The following ZFAT variants were observed in gnomAD, a reference collection of about 807,000 sequenced individuals.
ZFAT encodes the protein zinc finger protein ZFAT.
ZFAT carries 64 observed loss-of-function variants against 117.7 expected under a neutral mutation model. The ratio of observed to expected loss-of-function variants is 0.54; its 90% CI spans 0.44 to 0.67. The LOEUF (loss-of-function observed/expected upper bound fraction) is 0.67. Among genes scored for constraint, ZFAT ranks in the 30% least tolerant of loss-of-function variants. The probability of loss-of-function intolerance (pLI) is 0.00; values close to 1 mark genes in which losing one functional copy is unlikely to be tolerated. For synonymous variants in ZFAT, 679 were observed against 615.0 expected (o/e 1.10, Z -1.54); for missense variants, 1,433 against 1,584.5 (o/e 0.90, Z 1.62).
At chr8:134,556,481 C>T (rs1419347337) in intron 11 of ZFAT, among the ~76,000 whole-genome samples, 1 of 151,720 alleles carries the variant, frequency 6.6e-6, no homozygotes, top group Non-Finnish European at 1.5e-5. Flanking sequence ...CTCAACAAAC[C>T]CCAAGTAAGG....
At chr8:134,811,505 T>C in the ZFAT span, among the ~76,000 whole-genome samples, 1 of 152,146 alleles carries the variant, frequency 6.6e-6, no homozygotes, top group Non-Finnish European at 1.5e-5. Flanking sequence ...AGTACTTCCA[T>C]AGTGACAGAA....
At chr8:134,731,288 A>G in the ZFAT span, among the ~76,000 whole-genome samples, 1 of 152,404 alleles carries the variant, frequency 6.6e-6, no homozygotes, top group South Asian at 2.1e-4. Context: ...AAACACATAT[A>G]TGAGAACTTC....
At chr8:134,673,869 T>C (rs1182580780) in intron 1 of ZFAT, among the ~76,000 whole-genome samples, 1 of 152,264 alleles carries the variant, frequency 6.6e-6, no homozygotes, top group Admixed American at 6.5e-5. Flanking sequence ...TCCCAGCACT[T>C]TGAGAGGCCG....
At chr8:134,526,635 T>C (rs922193321) in intron 12 of ZFAT, among the ~76,000 whole-genome samples, 2 of 152,236 alleles carry the variant, frequency 1.3e-5, no homozygotes, top group Admixed American at 1.3e-4. Flanking sequence ...TTAAAATATC[T>C]CTGCTCCTTT....
At chr8:134,737,798 A>G in the ZFAT span, among the ~76,000 whole-genome samples, 580 of 152,256 alleles carry the variant, frequency 3.8e-3, 5 homozygotes, top group African/African-American at 0.013. Flanking sequence ...TACATCTACA[A>G]CCAGAACCTC....
intron 15 of ZFAT, among the ~76,000 whole-genome samples, chr8:134,483,171 A>G (rs1458076240): frequency 6.6e-6 from 1 of 152,186 alleles, no homozygotes; most frequent in Non-Finnish European, 1.5e-5. Flanking sequence ...CACGGCACCC[A>G]ATATCCACCC....
intron 2 of ZFAT, among the ~76,000 whole-genome samples, chr8:134,652,243 G>T (rs191735704): frequency 6.6e-6 from 1 of 152,320 alleles, no homozygotes; most frequent in East Asian, 1.9e-4. Flanking sequence ...CTCCAGCCTG[G>T]GCAAATGAGC....
intron 1 of ZFAT, among the ~76,000 whole-genome samples, chr8:134,667,641 A>G (rs28804680): frequency 0.35 from 52,339 of 150,938 alleles, 9,423 homozygotes; most frequent in South Asian, 0.43. Context: ...GCTCCAAGAT[A>G]GCTGAATAGG....
chr8:134,603,465 C>T (rs368038491), intron 5 of ZFAT, among the ~76,000 whole-genome samples: 1 of 151,218 alleles, frequency 6.6e-6, no homozygotes, highest in East Asian at 2.0e-4. Context: ...TGGATGCAAC[C>T]ATCTTTTCAA....
intron 9 of ZFAT, 113 bp downstream of exon 9, chr8:134,588,133 G>A: frequency 7.8e-7 from 1 of 1,279,414 alleles, no homozygotes; most frequent in Non-Finnish European, 1.1e-6. Flanking sequence ...GTGTGCTAAG[G>A]AAATTCTAAC....
intron 10 of ZFAT, among the ~76,000 whole-genome samples, chr8:134,575,547 T>C (rs1281438646): frequency 2.0e-5 from 3 of 152,216 alleles, no homozygotes; most frequent in African/African-American, 7.2e-5. Context: ...AGCTGCAACA[T>C]AATACATCTG....
chr8:134,610,051 A>G (rs1828205033), intron 4 of ZFAT, among the ~76,000 whole-genome samples: 1 of 152,234 alleles, frequency 6.6e-6, no homozygotes, highest in South Asian at 2.1e-4. Context: ...GGGCAGAGTT[A>G]GCATGGGTTT....
At chr8:134,713,299 C>G (rs933915193), upstream of ZFAT, among the ~76,000 whole-genome samples, 8 of 152,240 alleles carry the variant, frequency 5.3e-5, no homozygotes, top group Non-Finnish European at 1.2e-4. Flanking sequence ...TAGCGCGACC[C>G]TAGACCCGCG....
In ZFAT at chr8:134,588,378, T is replaced by G; in HGVS notation, c.2581A>C (p.Ile861Leu). 4 of 1,588,732 alleles carry G rather than the reference T, an allele frequency of 2.5e-6. No individual in the cohort carries two copies. Among genetic ancestry groups the G allele is most frequent in the Non-Finnish European group, 3.4e-6 (4 of 1,167,458 alleles). The change falls in exon 9 of 16, where the codon ATT becomes CTT. Residue 861 changes from isoleucine to leucine, a missense_variant. Ile to Leu is a conservative substitution (Grantham distance 5). Transcript: ENST00000377838. ...ACCCTCCTCCCGAGAACCTCAGAAA[T>G]GGTGCTCATGGAGACCTCTAGAAGA... ...TNHPEVSMST[I>L]SEVLGRRVQL...
At chr8:134,518,950 T>C (rs2130452421) in intron 13 of ZFAT, among the ~76,000 whole-genome samples, 1 of 152,308 alleles carries the variant, frequency 6.6e-6, no homozygotes, top group South Asian at 2.1e-4. Flanking sequence ...ATATACTAAA[T>C]TTCCATATGT....
chr8:134,538,349 G>C (rs936851326), intron 11 of ZFAT, among the ~76,000 whole-genome samples: 2 of 152,140 alleles, frequency 1.3e-5, no homozygotes, highest in African/African-American at 2.4e-5. Flanking sequence ...TGGCAACCAG[G>C]GGGTGGCGCC....
At position 134,637,603 on chromosome 8, in the gene ZFAT, C is replaced by A. The variant is rs747221023; in HGVS notation, c.306G>T (p.Pro102=). 1 of 1,614,232 alleles carries A rather than the reference C, an allele frequency of 6.2e-7. No homozygotes were observed. Among genetic ancestry groups the A allele is most frequent in the Non-Finnish European group, 8.5e-7 (1 of 1,180,050 alleles). Residue 102 remains proline (P), a synonymous_variant, in exon 3 of 16, where the codon CCG becomes CCT. Transcript: ENST00000377838. The part of the protein sequence containing the change: ...ENIVSPTEDS[P]LAPEEGNSLP... ...GGCTGTTCCCTTCCTCCGGAGCCAG[C>A]GGGCTGTCCTCAGTCGGACTCACGA...
intron 14 of ZFAT, 88 bp from the exon 15 acceptor site, chr8:134,509,837 G>A (rs1248140509): frequency 6.7e-7 from 1 of 1,500,148 alleles, no homozygotes; most frequent in African/African-American, 1.4e-5. Context: ...GTTCTCTCGG[G>A]TGACGCCTTC....
At chr8:134,494,452 C>T (rs1471615425) in intron 15 of ZFAT, among the ~76,000 whole-genome samples, 1 of 152,242 alleles carries the variant, frequency 6.6e-6, no homozygotes, top group East Asian at 1.9e-4. Flanking sequence ...TGTCTCGGTG[C>T]CTGCTGGGGA....
Sources: gnomAD v4.1 joint callset for allele counts (sites outside exome capture counted in the v4.1 genomes callset) on GRCh38, gnomAD v4.1.1 for gene constraint, MANE v1.5 for transcripts, NCBI Gene and HGNC (gene_info 2026-07-23, HGNC 2026-07-21) for gene names.